Variants in LSAMP observed in about 807,000 individuals in gnomAD.
LSAMP encodes the protein limbic system-associated membrane protein.
A neutral mutation model predicts 38.6 loss-of-function variants in LSAMP; 7 were observed. The ratio of observed to expected loss-of-function variants is 0.18; its 90% CI spans 0.10 to 0.34. The LOEUF (loss-of-function observed/expected upper bound fraction) is 0.34. LSAMP is among the 10% of genes least tolerant of loss of function. The pLI is 1.00. For synonymous variants in LSAMP, 154 were observed against 166.8 expected, an observed-to-expected ratio of 0.92 and a Z score of 0.59; for missense variants, 313 against 420.0, an observed-to-expected ratio of 0.75 and a Z score of 2.23.
chr3:116,215,282 T>C (rs2046206234), intron 1 of LSAMP, among the ~76,000 whole-genome samples: 1 of 152,194 alleles, frequency 6.6e-6, no homozygotes, highest in African/African-American at 2.4e-5. Context: ...AGCTGGTCTT[T>C]GGTCACTCAG....
intron 1 of LSAMP, among the ~76,000 whole-genome samples, chr3:116,114,683 C>T (rs1708704368): frequency 1.3e-5 from 2 of 152,314 alleles, no homozygotes; most frequent in African/African-American, 2.4e-5. Context: ...GTATTCTTAA[C>T]ATTTATAATC....
intron 3 of LSAMP, among the ~76,000 whole-genome samples, chr3:115,946,752 AAAG>A (rs1238279812): frequency 6.6e-6 from 1 of 152,178 alleles, no homozygotes; most frequent in Non-Finnish European, 1.5e-5. Context: ...ATACAAAAAA[AAAG>A]GGAATTATTT....
At chr3:116,173,493 T>A (rs1710255978) in intron 1 of LSAMP, among the ~76,000 whole-genome samples, 2 of 151,986 alleles carry the variant, frequency 1.3e-5, no homozygotes, top group African/African-American at 4.8e-5. Context: ...ATTCAGGAGT[T>A]AAAAAATGTG....
chr3:116,388,738 A>G (rs1451064365), intron 1 of LSAMP, among the ~76,000 whole-genome samples: 1 of 152,202 alleles, frequency 6.6e-6, no homozygotes. Flanking sequence ...ATAATGCCAA[A>G]GTAATCTGGC....
chr3:116,235,986 C>T (rs765773665), intron 1 of LSAMP, among the ~76,000 whole-genome samples: 17 of 152,008 alleles, frequency 1.1e-4, no homozygotes, highest in African/African-American at 2.4e-5. Flanking sequence ...ATTACAGGTG[C>T]GGAATAAATT....
chr3:116,244,638 A>T (rs1004333154), intron 1 of LSAMP, among the ~76,000 whole-genome samples: 1 of 152,150 alleles, frequency 6.6e-6, no homozygotes, highest in African/African-American at 2.4e-5. Context: ...TTAATAATCC[A>T]CAGAGCACTC....
chr3:115,970,282 GT>G (rs1297193214), intron 3 of LSAMP, among the ~76,000 whole-genome samples: 16 of 152,174 alleles, frequency 1.1e-4, no homozygotes, highest in Admixed American at 1.0e-3. Context: ...AGAAGAAAAG[GT>G]TGAAAAGTAA....
intron 3 of LSAMP, among the ~76,000 whole-genome samples, chr3:116,017,966 T>C (rs142303750): frequency 6.6e-6 from 1 of 152,202 alleles, no homozygotes; most frequent in Non-Finnish European, 1.5e-5. Flanking sequence ...GGAGCCAACA[T>C]AATGCCATCC....
At chr3:116,287,277 A>T (rs1224727088) in intron 1 of LSAMP, among the ~76,000 whole-genome samples, 3 of 152,136 alleles carry the variant, frequency 2.0e-5, no homozygotes, top group African/African-American at 7.2e-5. Context: ...GATCAGGTCA[A>T]AACTGCTTAG....
At chr3:116,341,839 G>C (rs1008209006) in intron 1 of LSAMP, among the ~76,000 whole-genome samples, 4 of 151,946 alleles carry the variant, frequency 2.6e-5, no homozygotes, top group Non-Finnish European at 5.9e-5. Context: ...ATTGGACTCA[G>C]TACGGAGAAT....
intron 3 of LSAMP, among the ~76,000 whole-genome samples, chr3:115,890,278 G>A (rs17712202): frequency 0.011 from 1,606 of 151,968 alleles, 10 homozygotes; most frequent in Non-Finnish European, 0.017. Flanking sequence ...GAATATCGGA[G>A]CATCAACCAG....
intron 1 of LSAMP, among the ~76,000 whole-genome samples, chr3:116,128,470 A>G (rs899866509): frequency 2.0e-5 from 3 of 152,164 alleles, no homozygotes; most frequent in African/African-American, 7.2e-5. Context: ...TACTATATCC[A>G]TGGGTGAGAA....
At chr3:116,056,106 G>A (rs1333082831) in intron 2 of LSAMP, among the ~76,000 whole-genome samples, 1 of 151,998 alleles carries the variant, frequency 6.6e-6, no homozygotes, top group African/African-American at 2.4e-5. Context: ...TCCCCACTCT[G>A]ATATTAATTT....
At chr3:116,425,827 G>A (rs1412470420) in intron 1 of LSAMP, among the ~76,000 whole-genome samples, 1 of 150,538 alleles carries the variant, frequency 6.6e-6, no homozygotes, top group Non-Finnish European at 1.5e-5. Context: ...CTTAAAAAGA[G>A]TAAAATTTAG....
intron 1 of LSAMP, among the ~76,000 whole-genome samples, chr3:116,149,429 T>C (rs1352909693): frequency 6.6e-6 from 1 of 151,974 alleles, no homozygotes; most frequent in African/African-American, 2.4e-5. Context: ...TACAGTCCCT[T>C]TGACCATGTT....
intron 2 of LSAMP, among the ~76,000 whole-genome samples, chr3:116,023,439 TAA>T (rs36091181): frequency 3.0e-5 from 4 of 133,792 alleles, no homozygotes; most frequent in Non-Finnish European, 4.8e-5. Context: ...CTAAAAATAC[TAA>T]AAAAAAAAAA....
At chr3:116,040,890 C>A (rs1941156581) in intron 2 of LSAMP, among the ~76,000 whole-genome samples, 1 of 152,080 alleles carries the variant, frequency 6.6e-6, no homozygotes, top group South Asian at 2.1e-4. Flanking sequence ...TGCCGCCATG[C>A]CTGGCTAATT....
At chr3:116,196,126 G>A (rs1392006393) in intron 1 of LSAMP, among the ~76,000 whole-genome samples, 1 of 152,016 alleles carries the variant, frequency 6.6e-6, no homozygotes, top group Non-Finnish European at 1.5e-5. Flanking sequence ...GATCATCCGA[G>A]GACTTTCAGG....
At chr3:116,176,979 G>A (rs183725014) in intron 1 of LSAMP, among the ~76,000 whole-genome samples, 94 of 152,084 alleles carry the variant, frequency 6.2e-4, no homozygotes, top group Admixed American at 3.9e-3. Context: ...GAAAATTGTG[G>A]TGTTGTGTTT....
Sources: gnomAD v4.1 joint callset for allele counts (sites outside exome capture counted in the v4.1 genomes callset) on GRCh38, gnomAD v4.1.1 for gene constraint, MANE v1.5 for transcripts, NCBI Gene and HGNC (gene_info 2026-07-23, HGNC 2026-07-21) for gene names.